The following SH3D19 variants were observed in gnomAD, a reference collection of about 807,000 sequenced individuals.
SH3D19 encodes the protein SH3 domain containing 19, also known as SH3 domain-containing protein 19.
SH3D19 carries 58 observed loss-of-function variants against 112.1 expected under a neutral mutation model. The observed-to-expected ratio is 0.52, with a 90% CI of 0.42 to 0.64. SH3D19 has a LOEUF of 0.64. SH3D19 is among the 30% of genes least tolerant of loss of function. The probability of loss-of-function intolerance (pLI) is 0.00; values close to 1 mark genes in which losing one functional copy is unlikely to be tolerated. For missense variants in SH3D19, 1,090 were observed against 1,263.4 expected, an observed-to-expected ratio of 0.86 and a Z score of 2.08; for synonymous variants, 391 against 448.5, an observed-to-expected ratio of 0.87 and a Z score of 1.62.
chr4:151,295,739 C>T (rs1243090122), intron 1 of SH3D19, among the ~76,000 whole-genome samples: 1 of 152,076 alleles, frequency 6.6e-6, no homozygotes. Context: ...TAAAAGAACC[C>T]TAGAAAACGG....
intron 8 of SH3D19, among the ~76,000 whole-genome samples, chr4:151,160,271 T>C (rs1756919881): frequency 6.6e-6 from 1 of 152,038 alleles, no homozygotes; most frequent in African/African-American, 2.4e-5. Context: ...GTATTTTTAG[T>C]AGAGACGGGG....
intron 12 of SH3D19, among the ~76,000 whole-genome samples, chr4:151,143,308 C>G (rs1753348395): frequency 6.6e-6 from 1 of 151,798 alleles, no homozygotes; most frequent in Non-Finnish European, 1.5e-5. Flanking sequence ...ATAACTTCCA[C>G]TGTTGCCATA....
chr4:151,234,870 AGTAGCTGGGAC>A (rs1769915789), intron 1 of SH3D19, among the ~76,000 whole-genome samples: 1 of 146,432 alleles, frequency 6.8e-6, no homozygotes, highest in East Asian at 2.0e-4. Flanking sequence ...TCGCCTCCCC[AGTAGCTGGGAC>A]TACAGGTATG....
rs1373122466 is a variant in SH3D19, at chr4:151,325,276, G to GCGCGGCGCTGGCCACCAAGTT, written c.56_76dup (p.Glu19_Arg25dup). The GCGCGGCGCTGGCCACCAAGTT allele has an allele frequency of 4.1e-5, 50 of 1,221,678 alleles. No homozygotes were observed. The highest frequency in any genetic ancestry group is 4.6e-5 in the Non-Finnish European group (45 of 981,502). 75.7% of individuals were successfully genotyped at this position (1,221,678 alleles called of 1,614,324 possible). Reference sequence around the variant, plus strand: ...GTGGCCCGAGAGCGCACGGCCCCGGGCGCGGCGCTGGCCACCAAGTTCGCG... The same window carrying GCGCGGCGCTGGCCACCAAGTT: ...GTGGCCCGAGAGCGCACGGCCCCGGGCGCGGCGCTGGCCACCAAGTTCGCGGCGCTGGCCACCAAGTTCGCG... On this transcript the variant is annotated inframe_insertion, in exon 1 of 20. Coordinates refer to ENST00000604030, the MANE Select transcript of SH3D19 (RefSeq NM_001378122.1).
intron 7 of SH3D19, among the ~76,000 whole-genome samples, chr4:151,169,884 GC>G (rs1446706495): frequency 2.0e-5 from 3 of 152,038 alleles, no homozygotes; most frequent in East Asian, 1.9e-4. Flanking sequence ...ACATCCCCCT[GC>G]CCCACTAAAT....
At chr4:151,267,740 G>T (rs1032506488) in intron 1 of SH3D19, among the ~76,000 whole-genome samples, 1 of 152,262 alleles carries the variant, frequency 6.6e-6, no homozygotes, top group Admixed American at 6.5e-5. Flanking sequence ...AATGTATTTT[G>T]TTAGTGACCA....
At chr4:151,309,611 G>T (rs573792469) in intron 1 of SH3D19, among the ~76,000 whole-genome samples, 1 of 152,246 alleles carries the variant, frequency 6.6e-6, no homozygotes, top group African/African-American at 2.4e-5. Flanking sequence ...ACACGAAAAG[G>T]TACTCATTAC....
At chr4:151,283,074 T>TCC in intron 1 of SH3D19, 1 of 1,599,408 alleles carries the variant, frequency 6.3e-7, no homozygotes, top group Non-Finnish European at 8.6e-7. Flanking sequence ...CCCCTGCACT[T>TCC]TTCTAGGTTG....
intron 7 of SH3D19, among the ~76,000 whole-genome samples, chr4:151,167,740 G>T (rs1191371582): frequency 1.3e-5 from 2 of 149,944 alleles, no homozygotes; most frequent in Admixed American, 6.6e-5. Context: ...CCCACCGTCT[G>T]GGAAGTGAGG....
chr4:151,317,861 T>C (rs1169642817), intron 1 of SH3D19, among the ~76,000 whole-genome samples: 6 of 151,806 alleles, frequency 4.0e-5, no homozygotes, highest in African/African-American at 1.2e-4. Context: ...TAATCCCAGC[T>C]ACTTGGGAGG....
At chr4:151,170,034 C>A (rs1758779337) in intron 7 of SH3D19, among the ~76,000 whole-genome samples, 1 of 152,108 alleles carries the variant, frequency 6.6e-6, no homozygotes, top group South Asian at 2.1e-4. Context: ...GAAGAGAAGT[C>A]ATAAATGTCA....
intron 1 of SH3D19, among the ~76,000 whole-genome samples, chr4:151,248,957 A>G (rs114397974): frequency 2.0e-3 from 309 of 152,290 alleles, no homozygotes; most frequent in African/African-American, 7.1e-3. Flanking sequence ...TGTCAACTCA[A>G]TATCCTTGTT....
chr4:151,310,393 A>C (rs1729333607), intron 1 of SH3D19, among the ~76,000 whole-genome samples: 1 of 152,074 alleles, frequency 6.6e-6, no homozygotes, highest in African/African-American at 2.4e-5. Context: ...AGAAAAAAAA[A>C]TCAAAAGATA....
chr4:151,299,485 C>T (rs1476614242), intron 1 of SH3D19, among the ~76,000 whole-genome samples: 1 of 145,126 alleles, frequency 6.9e-6, no homozygotes, highest in African/African-American at 2.6e-5. Flanking sequence ...AAGGCTGAGA[C>T]AGGAGAATCG....
intron 12 of SH3D19, 102 bp downstream of exon 12, chr4:151,143,804 TAAAA>T: frequency 7.7e-7 from 1 of 1,296,764 alleles, no homozygotes; most frequent in East Asian, 2.3e-5. Context: ...TTACTCTGGT[TAAAA>T]TAAATGTGCT....
intron 19 of SH3D19, among the ~76,000 whole-genome samples, chr4:151,122,877 A>C: frequency 8.6e-6 from 1 of 116,490 alleles, no homozygotes; most frequent in African/African-American, 3.4e-5. Context: ...TTTGAGACGG[A>C]GTCTCGCTCT....
intron 9 of SH3D19, among the ~76,000 whole-genome samples, chr4:151,153,869 GTTTAA>G (rs1755551475): frequency 1.3e-5 from 2 of 152,198 alleles, no homozygotes; most frequent in Admixed American, 6.5e-5. Context: ...TCTCCAGATG[GTTTAA>G]TTTATTATAA....
chr4:151,298,630 T>C (rs1233401327), intron 1 of SH3D19, among the ~76,000 whole-genome samples: 1 of 124,132 alleles, frequency 8.1e-6, no homozygotes, highest in Non-Finnish European at 1.8e-5. Flanking sequence ...AGGGCAGGAC[T>C]AGAGAAATAA....
At position 151,165,621 on chromosome 4, in the gene SH3D19, G is replaced by C; in HGVS notation, c.1610C>G (p.Thr537Ser). The change falls in exon 8 of 20, where the codon ACT becomes AGT. Residue 537 changes from threonine to serine, a missense_variant. Thr to Ser is a moderately conservative substitution (Grantham distance 58, BLOSUM62 1). Transcript: ENST00000604030. Reference sequence around the variant, plus strand: ...TGGTTTGGCTGGAATTCGAATTACAGTGGGCTTCCTGGTGGGTGCTGGTTG... The same window carrying C: ...TGGTTTGGCTGGAATTCGAATTACACTGGGCTTCCTGGTGGGTGCTGGTTG... ...AVQPAPTRKP[T>S]VIRIPAKPGK... 1 of 1,614,136 alleles carries C rather than the reference G, an allele frequency of 6.2e-7. No individual in the cohort carries two copies. Among genetic ancestry groups the C allele is most frequent in the East Asian group, 2.2e-5 (1 of 44,866 alleles).
Sources: allele counts gnomAD v4.1 joint callset (sites outside exome capture counted in the v4.1 genomes callset), GRCh38; gene constraint gnomAD v4.1.1; transcripts MANE v1.5; gene names NCBI Gene and HGNC (gene_info 2026-07-23, HGNC 2026-07-21).